The following GPATCH2L variants were observed in gnomAD, a reference collection of about 807,000 sequenced individuals.
The protein encoded by GPATCH2L is G-patch domain containing 2 like.
A neutral mutation model predicts 57.4 loss-of-function variants in GPATCH2L; 31 were observed. The ratio of observed to expected loss-of-function variants is 0.54; its 90% CI spans 0.41 to 0.73. The LOEUF is 0.73. Among genes scored for constraint, GPATCH2L ranks in the 30% least tolerant of loss-of-function variants. The probability of loss-of-function intolerance (pLI) is 0.00; values close to 1 mark genes in which losing one functional copy is unlikely to be tolerated. For synonymous variants in GPATCH2L, 199 were observed against 210.7 expected (o/e 0.94, Z 0.48); for missense variants, 481 against 599.9 (o/e 0.80, Z 2.07).
intron 5 of GPATCH2L, 75 bp downstream of exon 5, chr14:76,173,700 A>G: frequency 4.3e-6 from 4 of 939,622 alleles, no homozygotes; most frequent in Non-Finnish European, 1.8e-6. Context: ...CCTATTAACA[A>G]TCAGAGGTGC....
chr14:76,195,505 G>A (rs150602475), intron 8 of GPATCH2L, among the ~76,000 whole-genome samples: 102 of 152,248 alleles, frequency 6.7e-4, no homozygotes, highest in Non-Finnish European at 1.9e-4. Flanking sequence ...TGTTCATGCA[G>A]CATTAAACTT....
intron 2 of GPATCH2L, among the ~76,000 whole-genome samples, chr14:76,234,105 G>A (rs937515524): frequency 6.6e-6 from 1 of 152,146 alleles, no homozygotes; most frequent in Non-Finnish European, 1.5e-5. Context: ...GCAAGAACCT[G>A]TCTCTAAAAA....
intron 3 of GPATCH2L, chr14:76,170,868 T>C (rs961927158): frequency 2.0e-5 from 3 of 152,228 alleles, no homozygotes; most frequent in African/African-American, 7.2e-5. Flanking sequence ...GTTCAGATCC[T>C]GGCTTCATTG....
At chr14:76,184,186 G>A (rs1236412417) in intron 8 of GPATCH2L, among the ~76,000 whole-genome samples, 1 of 152,106 alleles carries the variant, frequency 6.6e-6, no homozygotes, top group Non-Finnish European at 1.5e-5. Flanking sequence ...CCTCCTGGCT[G>A]TTCCCAGGCT....
intron 8 of GPATCH2L, among the ~76,000 whole-genome samples, chr14:76,191,921 T>A (rs2039980752): frequency 6.6e-6 from 1 of 151,812 alleles, no homozygotes; most frequent in Non-Finnish European, 1.5e-5. Context: ...TTTTAACAAA[T>A]CCTTCTCTAT....
Position 76,204,405 on chromosome 14 carries a change from T to C in GPATCH2L, c.*2554T>C, listed in dbSNP as rs1566819789. 1 of 152,204 alleles carries C rather than the reference T, an allele frequency of 6.6e-6. No homozygotes were observed. Among genetic ancestry groups the C allele is most frequent in the Non-Finnish European group, 1.5e-5 (1 of 68,044 alleles). The allele number at this position is 152,204 out of a possible 1,614,324, so 9.4% of individuals were successfully genotyped here. A position where few individuals can be genotyped will look rare whatever the true frequency, so the allele number is the denominator to read the frequency against. Reference sequence around the variant, plus strand: ...ACACAAATACTTTCCAACACAGGGTTGTAAATTGTGCTCCTCATTTTAAGG... The same window carrying C: ...ACACAAATACTTTCCAACACAGGGTCGTAAATTGTGCTCCTCATTTTAAGG... On this transcript the variant is annotated 3_prime_UTR_variant, in exon 10 of 10. Transcript: ENST00000261530.
intron 1 of GPATCH2L, among the ~76,000 whole-genome samples, chr14:76,219,369 T>A (rs1168190259): frequency 6.6e-6 from 1 of 152,124 alleles, no homozygotes; most frequent in Non-Finnish European, 1.5e-5. Flanking sequence ...TAATAGAAGT[T>A]TTTCACCTAC....
At chr14:76,228,735 G>T (rs1184934804) in intron 1 of GPATCH2L, among the ~76,000 whole-genome samples, 1 of 152,208 alleles carries the variant, frequency 6.6e-6, no homozygotes. Context: ...TGGTGACTGT[G>T]AAAGGATGTG....
In GPATCH2L at chr14:76,178,041, A is replaced by G; in HGVS notation, c.1106A>G (p.Glu369Gly). The G allele has an allele frequency of 6.3e-7, 1 of 1,599,146 alleles. No homozygotes were observed. The highest frequency in any genetic ancestry group is 8.6e-7 in the Non-Finnish European group (1 of 1,167,578). The change falls in exon 7 of 10, where the codon GAG becomes GGG. Residue 369 changes from glutamate (E) to glycine (G), a missense_variant and splice_region_variant. Transcript: ENST00000261530. ...CCTCACATTTCTGCTTGTGCACATG[A>G]GGTAAGGTTTCCTCTTTCTTGTTAT... is the stretch of plus-strand genomic sequence containing the variant. The part of the protein sequence containing the change: ...DFPHISACAH[E>G]FNPLSPLYSL...
chr14:76,190,379 A>C (rs1044901498), intron 8 of GPATCH2L, among the ~76,000 whole-genome samples: 8 of 152,096 alleles, frequency 5.3e-5, no homozygotes, highest in African/African-American at 1.9e-4. Flanking sequence ...TTTAAAAATA[A>C]AAATTTTTTG....
At chr14:76,223,937 C>G (rs2040525977) in intron 1 of GPATCH2L, among the ~76,000 whole-genome samples, 1 of 152,288 alleles carries the variant, frequency 6.6e-6, no homozygotes, top group Admixed American at 6.5e-5. Flanking sequence ...AGCTTGTACA[C>G]AAATGTTCAT....
At chr14:76,194,467 C>T (rs990535996) in intron 8 of GPATCH2L, among the ~76,000 whole-genome samples, 5 of 131,732 alleles carry the variant, frequency 3.8e-5, no homozygotes, top group Non-Finnish European at 6.3e-5. Context: ...TAAGCTTTTG[C>T]TATTTAGAGA....
At chr14:76,229,398 G>C (rs184387113) in intron 1 of GPATCH2L, among the ~76,000 whole-genome samples, 4 of 152,280 alleles carry the variant, frequency 2.6e-5, no homozygotes, top group African/African-American at 9.6e-5. Flanking sequence ...AACTTTGCAG[G>C]TAAACCCAAT....
intron 4 of GPATCH2L, 102 bp from the exon 5 acceptor site, chr14:76,173,444 A>G (rs777724644): frequency 3.7e-5 from 25 of 676,820 alleles, no homozygotes; most frequent in African/African-American, 1.4e-4. Context: ...TTAAAGGTCA[A>G]TCTATTAAGA....
chr14:76,185,153 A>G (rs970557800), intron 8 of GPATCH2L, among the ~76,000 whole-genome samples: 11 of 152,178 alleles, frequency 7.2e-5, no homozygotes, highest in African/African-American at 2.7e-4. Context: ...TGTCAGGTGG[A>G]TATATGGATA....
chr14:76,232,634 G>A (rs576112296), intron 2 of GPATCH2L, among the ~76,000 whole-genome samples: 79 of 152,244 alleles, frequency 5.2e-4, no homozygotes, highest in African/African-American at 1.6e-3. Flanking sequence ...TTAGATTCAC[G>A]GTTATGGGTT....
Position 76,180,754 on chromosome 14 carries a change from A to G in GPATCH2L, c.1108-10A>G. 2 of 1,581,184 alleles carry G rather than the reference A, an allele frequency of 1.3e-6. No homozygotes were observed. Among genetic ancestry groups the G allele is most frequent in the South Asian group, 1.1e-5 (1 of 90,442 alleles). ...AAGCCTTACTAAAATAGTCTTATTC[A>G]TTCCTGCAGTTCAATCCCCTGTCTC... On this transcript the variant is annotated splice_polypyrimidine_tract_variant and intron_variant, in intron 7 of 9. Coordinates refer to ENST00000261530, the MANE Select transcript of GPATCH2L (RefSeq NM_017926.4).
In GPATCH2L at chr14:76,211,370, G is replaced by A. The variant is rs1363420061; in HGVS notation, c.*9519G>A. The A allele has an allele frequency of 6.6e-6, 1 of 152,228 alleles. No individual in the cohort carries two copies. The highest frequency in any genetic ancestry group is 1.5e-5 in the Non-Finnish European group (1 of 68,042). The allele number at this position is 152,228 out of a possible 1,614,324, so 9.4% of individuals were successfully genotyped here. A position where few individuals can be genotyped will look rare whatever the true frequency, so the allele number is the denominator to read the frequency against. On this transcript the variant is annotated 3_prime_UTR_variant, in exon 10 of 10. Coordinates refer to ENST00000261530, the MANE Select transcript of GPATCH2L (RefSeq NM_017926.4). ...CTGGAACTGAGATGTGAACAGATTTGCATTGCCTTGATCACCTTCCGTGGG... is the reference window on the plus strand; with the variant it reads ...CTGGAACTGAGATGTGAACAGATTTACATTGCCTTGATCACCTTCCGTGGG...
chr14:76,182,636 A>G (rs181037165), intron 8 of GPATCH2L, among the ~76,000 whole-genome samples: 1 of 151,808 alleles, frequency 6.6e-6, no homozygotes, highest in Admixed American at 6.6e-5. Context: ...GTGGAATGAT[A>G]TAAACTATTA....
Sources: gnomAD v4.1 joint callset for allele counts (sites outside exome capture counted in the v4.1 genomes callset) on GRCh38, gnomAD v4.1.1 for gene constraint, MANE v1.5 for transcripts, NCBI Gene and HGNC (gene_info 2026-07-23, HGNC 2026-07-21) for gene names.